The following CFLAR variants were observed in gnomAD, a reference collection of about 807,000 sequenced individuals.
The protein encoded by CFLAR is CASP8 and FADD-like apoptosis regulator.
A neutral mutation model predicts 51.1 loss-of-function variants in CFLAR; 14 were observed. That is an observed-to-expected ratio of 0.27 (90% CI 0.18 to 0.43). CFLAR has a LOEUF of 0.43. Among genes scored for constraint, CFLAR ranks in the 20% least tolerant of loss-of-function variants. The probability of loss-of-function intolerance (pLI) is 1.00; values close to 1 mark genes in which losing one functional copy is unlikely to be tolerated. For synonymous variants in CFLAR, 210 were observed against 211.6 expected (o/e 0.99, Z 0.06); for missense variants, 390 against 566.5 (o/e 0.69, Z 3.16).
chr2:201,161,694 C>T (rs187121205), intron 9 of CFLAR, among the ~76,000 whole-genome samples: 4,227 of 149,812 alleles, frequency 0.028, 106 homozygotes, highest in Middle Eastern at 0.084. Flanking sequence ...GGATTACAAG[C>T]GTGAGCCACT....
At chr2:201,123,677 C>A (rs2048405363) in intron 1 of CFLAR, among the ~76,000 whole-genome samples, 1 of 152,144 alleles carries the variant, frequency 6.6e-6, no homozygotes. Context: ...ACCATAGCAG[C>A]CTCATCAAAT....
rs1943525585 is a variant in CFLAR, at chr2:201,166,144, C to T, written c.*2171C>T. 1 of 168,512 alleles carries T rather than the reference C, an allele frequency of 5.9e-6. No homozygotes were observed. Among genetic ancestry groups the T allele is most frequent in the African/African-American group, 2.4e-5 (1 of 41,594 alleles). The allele number at this position is 168,512 out of a possible 1,614,324, so 10.4% of individuals were successfully genotyped here. A position where few individuals can be genotyped will look rare whatever the true frequency, so the allele number is the denominator to read the frequency against. On this transcript the variant is annotated 3_prime_UTR_variant, in exon 10 of 10. Transcript: ENST00000309955. ...CTGGGCAGAGGGGCTCCTCACTTCCCAGATGGGGCGGCCAGGCGGACGCGC... is the reference window on the plus strand; with the variant it reads ...CTGGGCAGAGGGGCTCCTCACTTCCTAGATGGGGCGGCCAGGCGGACGCGC...
At position 201,136,558 on chromosome 2, in the gene CFLAR, C is replaced by G. The variant is rs894532608; in HGVS notation, c.523+451C>G. On this transcript the variant is annotated intron_variant, in intron 4 of 9. Coordinates refer to ENST00000309955, the MANE Select transcript of CFLAR (RefSeq NM_003879.7). ...ACCTCCTTATGGAAAAGAGCACATT[C>G]GATTTCTTCCTTGATAAAAGGGACC... The G allele has an allele frequency of 3.4e-6, 5 of 1,466,876 alleles. No individual in the cohort carries two copies. The African/African-American group carries it at 5.7e-5, about 17-fold the overall frequency. The allele number at this position is 1,466,876 out of a possible 1,614,324, so 90.9% of individuals were successfully genotyped here.
Position 201,171,469 on chromosome 2 carries a change from G to A in CFLAR, c.*7496G>A, listed in dbSNP as rs1944007356. On this transcript the variant is annotated 3_prime_UTR_variant, in exon 10 of 10. Coordinates refer to ENST00000309955, the MANE Select transcript of CFLAR (RefSeq NM_003879.7). ...GAACAATGAGAACACACGGACACAG[G>A]GATGAGATCAACACACACTGGGGCC... is the stretch of plus-strand genomic sequence containing the variant. 6.6e-6 allele frequency: 1 copy of A among 151,254 alleles called. No individual in the cohort carries two copies. The highest frequency in any genetic ancestry group is 1.5e-5 in the Non-Finnish European group (1 of 67,746). The allele number at this position is 151,254 out of a possible 1,614,324, so 9.4% of individuals were successfully genotyped here. A position where few individuals can be genotyped will look rare whatever the true frequency, so the allele number is the denominator to read the frequency against.
chr2:201,140,023 C>T (rs1475826171), intron 4 of CFLAR: 4 of 315,554 alleles, frequency 1.3e-5, no homozygotes, highest in Middle Eastern at 1.1e-3. Context: ...TAGGTAGTCC[C>T]TCATGCTGCC....
intron 1 of CFLAR, among the ~76,000 whole-genome samples, chr2:201,119,455 A>ATTTG (rs964900838): frequency 2.0e-5 from 3 of 151,958 alleles, no homozygotes; most frequent in Non-Finnish European, 4.4e-5. Flanking sequence ...CTTTTTGTTT[A>ATTTG]TTTGTTTGTT....
At chr2:201,139,240 TC>T (rs1335738909) in intron 4 of CFLAR, 1 of 340,244 alleles carries the variant, frequency 2.9e-6, no homozygotes, top group African/African-American at 2.2e-5. Flanking sequence ...GGCAGCGTGC[TC>T]GTTAAGAGTC....
Position 201,116,544 on chromosome 2 carries a change from C to G in CFLAR, c.-138+63C>G, listed in dbSNP as rs2047598478. 1 of 152,922 alleles carries G rather than the reference C, an allele frequency of 6.5e-6. No individual in the cohort carries two copies. The highest frequency in any genetic ancestry group is 1.9e-4 in the East Asian group (1 of 5,222). 9.5% of individuals were successfully genotyped at this position (152,922 alleles called of 1,614,324 possible). On this transcript the variant is annotated intron_variant, in intron 1 of 9. Coordinates refer to ENST00000309955, the MANE Select transcript of CFLAR (RefSeq NM_003879.7). This position sits in a 1 kb window ranked among gnomAD's most constrained non-coding sequence, Gnocchi z 4.8. ...CGGAGCTGTCCCAGACCCCAAGCCCCGACGCCCGGCCCTGAGTCAGCATTG... is the reference window on the plus strand; with the variant it reads ...CGGAGCTGTCCCAGACCCCAAGCCCGGACGCCCGGCCCTGAGTCAGCATTG...
chr2:201,144,298 GTCA>G (rs1400997771), intron 5 of CFLAR: 1 of 152,210 alleles, frequency 6.6e-6, no homozygotes, highest in Non-Finnish European at 1.5e-5. Context: ...CATAGGACCT[GTCA>G]TCTGAGAAGA....
chr2:201,130,916 T>G (rs79959919), intron 2 of CFLAR, among the ~76,000 whole-genome samples: 4,647 of 152,302 alleles, frequency 0.031, 110 homozygotes, highest in African/African-American at 0.07. Flanking sequence ...TTCCTACCTT[T>G]GTAGAGACTC....
At chr2:201,144,345 A>C (rs1283835556) in intron 5 of CFLAR, 4 of 152,170 alleles carry the variant, frequency 2.6e-5, no homozygotes, top group Non-Finnish European at 4.4e-5. Flanking sequence ...TTCTCTGATT[A>C]CTCTTACTCT....
At chr2:201,154,740 CTT>C (rs1941869572) in intron 8 of CFLAR, among the ~76,000 whole-genome samples, 1 of 152,232 alleles carries the variant, frequency 6.6e-6, no homozygotes, top group Non-Finnish European at 1.5e-5. Context: ...AAAAACCAGA[CTT>C]TTATCCAAAA....
At chr2:201,163,461 C>T in intron 9 of CFLAR, 12 of 1,111,682 alleles carry the variant, frequency 1.1e-5, no homozygotes, top group Non-Finnish European at 1.3e-5. Context: ...TTTACCTGGC[C>T]TCCTTAGTGG....
intron 6 of CFLAR, 176 bp downstream of exon 6, chr2:201,145,608 ATTAGC>A: frequency 1.8e-6 from 1 of 570,636 alleles, no homozygotes; most frequent in Non-Finnish European, 3.1e-6. Context: ...TGTCTATTGA[ATTAGC>A]TTATCTAAGT....
intron 1 of CFLAR, among the ~76,000 whole-genome samples, chr2:201,121,515 G>A (rs2048183189): frequency 6.6e-6 from 1 of 152,184 alleles, no homozygotes. Flanking sequence ...AGCAAGTGGG[G>A]AATTTTTATT....
At position 201,171,478 on chromosome 2, in the gene CFLAR, C is replaced by G. The variant is rs1944007927; in HGVS notation, c.*7505C>G. 6.6e-6 allele frequency: 1 copy of G among 152,014 alleles called. No homozygotes were observed. The allele number at this position is 152,014 out of a possible 1,614,324, so 9.4% of individuals were successfully genotyped here. Reference sequence around the variant, plus strand: ...GAACACACGGACACAGGGATGAGATCAACACACACTGGGGCCTGATGCAGG... The same window carrying G: ...GAACACACGGACACAGGGATGAGATGAACACACACTGGGGCCTGATGCAGG... On this transcript the variant is annotated 3_prime_UTR_variant, in exon 10 of 10. Coordinates refer to ENST00000309955, the MANE Select transcript of CFLAR (RefSeq NM_003879.7).
intron 2 of CFLAR, among the ~76,000 whole-genome samples, chr2:201,131,137 C>T (rs114984720): frequency 0.012 from 1,759 of 152,330 alleles, 17 homozygotes; most frequent in Non-Finnish European, 0.017. Flanking sequence ...CTCCTTCCTC[C>T]TGTTCACATG....
chr2:201,145,119 T>C (rs1939847329), intron 5 of CFLAR, among the ~76,000 whole-genome samples: 2 of 152,140 alleles, frequency 1.3e-5, no homozygotes, highest in African/African-American at 4.8e-5. Context: ...TCCCAAGGTG[T>C]TGGGATTACA....
At position 201,160,856 on chromosome 2, in the gene CFLAR, T is replaced by C; in HGVS notation, c.1218T>C (p.Cys406=). ...HREADFFWSL[C]TADMSLLEQS... is the part of the protein sequence containing the mutation. ...AAGCTGACTTCTTCTGGAGCCTGTG[T>C]ACTGCGGACATGTCCCTGCTGGAGC... The change falls in exon 9 of 10, where the codon TGT becomes TGC. Residue 406 remains cysteine (C), a synonymous_variant. Transcript: ENST00000309955. 1.2e-6 allele frequency: 2 copies of C among 1,613,374 alleles called. No homozygotes were observed. Among genetic ancestry groups the C allele is most frequent in the Non-Finnish European group, 8.5e-7 (1 of 1,179,400 alleles).
Sources: allele counts gnomAD v4.1 joint callset (sites outside exome capture counted in the v4.1 genomes callset), GRCh38; gene constraint gnomAD v4.1.1; non-coding constraint Gnocchi (gnomAD v3.1); transcripts MANE v1.5; gene names NCBI Gene and HGNC (gene_info 2026-07-23, HGNC 2026-07-21).